SGCD: variants seen among roughly 807,000 people sequenced by gnomAD.
SGCD encodes delta-sarcoglycan.
Under a neutral mutation model 36.6 loss-of-function variants are expected in SGCD, and 18 were observed. That is an observed-to-expected ratio of 0.49 (90% CI 0.34 to 0.73). SGCD has a LOEUF of 0.73. Ranked by LOEUF, SGCD falls within the 30% of genes least tolerant of loss-of-function variation. The pLI, the probability that SGCD is intolerant of heterozygous loss-of-function variation, is 0.01. For synonymous variants in SGCD, 133 were observed against 130.6 expected, an observed-to-expected ratio of 1.02 and a Z score of -0.12; for missense variants, 387 against 346.7, an observed-to-expected ratio of 1.12 and a Z score of -0.92.
chr5:156,087,779 C>T (rs942766103), intron 1 of SGCD, among the ~76,000 whole-genome samples: 4 of 152,086 alleles, frequency 2.6e-5, no homozygotes, highest in Admixed American at 6.5e-5. Context: ...CTTCCATGTG[C>T]CAGATGACAT....
At chr5:156,462,068 A>G (rs1187432530) in intron 3 of SGCD, among the ~76,000 whole-genome samples, 1 of 152,218 alleles carries the variant, frequency 6.6e-6, no homozygotes, top group Non-Finnish European at 1.5e-5. Flanking sequence ...GTTCAATTAT[A>G]TAATGACTCA....
chr5:156,185,484 G>A (rs7711145), intron 3 of SGCD, among the ~76,000 whole-genome samples: 1 of 151,756 alleles, frequency 6.6e-6, no homozygotes, highest in Non-Finnish European at 1.5e-5. Context: ...AAAGTGCTGG[G>A]ATTACAGATG....
At chr5:156,403,705 A>G (rs1450252626) in intron 3 of SGCD, among the ~76,000 whole-genome samples, 1 of 152,098 alleles carries the variant, frequency 6.6e-6, no homozygotes, top group Non-Finnish European at 1.5e-5. Flanking sequence ...ATGAGGATTG[A>G]TCTAGGCCTT....
chr5:156,178,857 C>T (rs374324464), intron 3 of SGCD, among the ~76,000 whole-genome samples: 7 of 152,158 alleles, frequency 4.6e-5, no homozygotes, highest in African/African-American at 1.4e-4. Context: ...TGAGCCACCG[C>T]GCCCAGCCTG....
intron 3 of SGCD, among the ~76,000 whole-genome samples, chr5:156,359,137 T>G (rs1315629609): frequency 1.3e-5 from 2 of 152,214 alleles, no homozygotes; most frequent in Non-Finnish European, 2.9e-5. Flanking sequence ...CCTGTGAGGA[T>G]AGAATCAGAC....
chr5:156,302,711 G>A (rs1020328118), intron 3 of SGCD, among the ~76,000 whole-genome samples: 1 of 152,110 alleles, frequency 6.6e-6, no homozygotes, highest in African/African-American at 2.4e-5. Context: ...TAAATCTTTG[G>A]GCACTGAAGC....
At chr5:156,504,584 A>T (rs960787240) in intron 3 of SGCD, among the ~76,000 whole-genome samples, 6 of 152,042 alleles carry the variant, frequency 3.9e-5, no homozygotes, top group African/African-American at 1.4e-4. Context: ...GTGTTCAATT[A>T]TTGTAACATG....
chr5:156,210,123 A>G (rs1312710936), intron 3 of SGCD, among the ~76,000 whole-genome samples: 1 of 152,184 alleles, frequency 6.6e-6, no homozygotes, highest in East Asian at 1.9e-4. Flanking sequence ...GTGGACTCCT[A>G]TAGACCTAAG....
intron 1 of SGCD, among the ~76,000 whole-genome samples, chr5:155,932,933 A>G (rs1757125314): frequency 6.6e-6 from 1 of 151,820 alleles, no homozygotes; most frequent in Non-Finnish European, 1.5e-5. Flanking sequence ...CATATTCTTT[A>G]TCTCATTATA....
intron 3 of SGCD, among the ~76,000 whole-genome samples, chr5:156,291,607 G>A (rs751756844): frequency 3.9e-5 from 6 of 152,110 alleles, no homozygotes; most frequent in Admixed American, 1.3e-4. Flanking sequence ...TATCCACAAC[G>A]TAATATTTAC....
At position 156,346,890 on chromosome 5, in the gene SGCD, C is replaced by T. The variant is rs546686860; in HGVS notation, c.192+2213C>T. On this transcript the variant is annotated intron_variant, in intron 3 of 8. Coordinates refer to ENST00000337851, the MANE Select transcript of SGCD (RefSeq NM_000337.6). ...TCGGCTCACTGCCAGCTCCACCTCC[C>T]GGGTTCAAGCCATTCTCCTGCCTCA... 9.6e-4 allele frequency among the ~76,000 whole-genome samples: 146 copies of T among 152,060 alleles called. 1 individual carries two copies. The highest frequency in any genetic ancestry group is 3.2e-3 in the African/African-American group (131 of 41,458).
intron 3 of SGCD, among the ~76,000 whole-genome samples, chr5:156,464,381 T>C (rs1415824394): frequency 6.6e-6 from 1 of 151,962 alleles, no homozygotes; most frequent in Non-Finnish European, 1.5e-5. Flanking sequence ...CCACCATACC[T>C]GACTAATTTT....
chr5:156,708,844 C>T (rs157345), intron 7 of SGCD, among the ~76,000 whole-genome samples: 1 of 151,980 alleles, frequency 6.6e-6, no homozygotes, highest in Non-Finnish European at 1.5e-5. Context: ...GCAATAAATT[C>T]TTAGAGAAGT....
At chr5:155,822,753 A>T in the SGCD span, among the ~76,000 whole-genome samples, 2 of 152,234 alleles carry the variant, frequency 1.3e-5, no homozygotes, top group Non-Finnish European at 2.9e-5. Flanking sequence ...GAGCCCAGGG[A>T]TTCACATATA....
At chr5:156,709,781 G>A (rs1404187863) in intron 7 of SGCD, among the ~76,000 whole-genome samples, 1 of 152,110 alleles carries the variant, frequency 6.6e-6, no homozygotes, top group Non-Finnish European at 1.5e-5. Context: ...TGTATTGTGT[G>A]CTTAGAATGG....
intron 1 of SGCD, among the ~76,000 whole-genome samples, chr5:156,006,904 C>A (rs1758769434): frequency 1.3e-5 from 2 of 152,176 alleles, no homozygotes; most frequent in South Asian, 4.1e-4. Context: ...TTTAGAGGAA[C>A]CCAAAGAAGT....
chr5:156,097,030 T>C (rs1001115459), intron 1 of SGCD, among the ~76,000 whole-genome samples: 29 of 152,150 alleles, frequency 1.9e-4, no homozygotes, highest in African/African-American at 6.3e-4. Flanking sequence ...TGTGCTACTT[T>C]CTTTTGGCCT....
At chr5:156,274,485 C>T (rs1766265955) in intron 3 of SGCD, among the ~76,000 whole-genome samples, 1 of 151,824 alleles carries the variant, frequency 6.6e-6, no homozygotes, top group Non-Finnish European at 1.5e-5. Flanking sequence ...AATTTTAGGG[C>T]TTTTATTAAC....
chr5:156,178,072 C>A (rs940118798), intron 3 of SGCD, among the ~76,000 whole-genome samples: 3 of 152,140 alleles, frequency 2.0e-5, no homozygotes, highest in African/African-American at 7.2e-5. Context: ...AATGATCTAA[C>A]AGAAAGCCTA....
Sources: allele counts gnomAD v4.1 joint callset (sites outside exome capture counted in the v4.1 genomes callset), GRCh38; gene constraint gnomAD v4.1.1; transcripts MANE v1.5; gene names NCBI Gene and HGNC (gene_info 2026-07-23, HGNC 2026-07-21).